WWP2: variants seen among roughly 807,000 people sequenced by gnomAD.
WWP2 encodes WW domain containing E3 ubiquitin protein ligase 2.
A neutral mutation model predicts 121.0 loss-of-function variants in WWP2; 57 were observed. The observed-to-expected ratio is 0.47, with a 90% confidence interval of 0.38 to 0.59. The LOEUF (loss-of-function observed/expected upper bound fraction) is 0.59. WWP2 is among the 20% of genes least tolerant of loss of function. The pLI is 0.00. For synonymous variants in WWP2, 449 were observed against 441.3 expected (o/e 1.02, Z -0.22); for missense variants, 962 against 1,158.9 (o/e 0.83, Z 2.47).
rs2058820483 is a variant in WWP2 at position 69,937,683 on chromosome 16, C to T, written c.2343+31C>T. ...TCCCGGGCCCAGGCCTTGGCAGGGACATTTGGGCCATCAACCAAAGGAAAC... is the reference window on the plus strand; with the variant it reads ...TCCCGGGCCCAGGCCTTGGCAGGGATATTTGGGCCATCAACCAAAGGAAAC... On this transcript the variant is annotated intron_variant, in intron 21 of 23. Transcript: ENST00000359154. This position sits in a 1 kb window ranked among gnomAD's most constrained non-coding sequence, Gnocchi z 6.6. 6.2e-7 allele frequency: 1 copy of T among 1,608,966 alleles called. No individual in the cohort carries two copies. Among genetic ancestry groups the T allele is most frequent in the African/African-American group, 1.3e-5 (1 of 74,762 alleles).
intron 6 of WWP2, among the ~76,000 whole-genome samples, chr16:69,847,010 T>C (rs1343130247): frequency 6.6e-6 from 1 of 152,098 alleles, no homozygotes; most frequent in East Asian, 1.9e-4. Flanking sequence ...CCTCTTGCTT[T>C]AGCCTCCCAA....
chr16:69,828,385 A>T (rs955994081), intron 4 of WWP2, among the ~76,000 whole-genome samples: 1 of 151,858 alleles, frequency 6.6e-6, no homozygotes, highest in Non-Finnish European at 1.5e-5. Flanking sequence ...ATTTTCTTTG[A>T]GACATAGTTT....
intron 6 of WWP2, among the ~76,000 whole-genome samples, chr16:69,849,963 A>C (rs1483123090): frequency 6.6e-6 from 1 of 152,266 alleles, no homozygotes; most frequent in East Asian, 1.9e-4. Context: ...AGATGTTTAT[A>C]ATGCCAGATG....
At position 69,803,800 on chromosome 16, in the gene WWP2, C is replaced by T. The variant is rs144540676; in HGVS notation, c.340+4505C>T. Among the ~76,000 whole-genome samples the T allele has an allele frequency of 7.3e-3, 1,118 of 152,232 alleles. 8 individuals carry two copies. Among genetic ancestry groups the T allele is most frequent in the Non-Finnish European group, 0.012 (828 of 68,016 alleles). On this transcript the variant is annotated intron_variant, in intron 4 of 23. Coordinates refer to ENST00000359154, the MANE Select transcript of WWP2 (RefSeq NM_001270454.2). Reference sequence around the variant, plus strand: ...GCGCACGCCTGTAATCCCAGCTACTCAGGAGTCTGAGGCCGGGGAGTCACT... The same window carrying T: ...GCGCACGCCTGTAATCCCAGCTACTTAGGAGTCTGAGGCCGGGGAGTCACT...
chr16:69,811,431 A>G (rs2056390821), intron 4 of WWP2, among the ~76,000 whole-genome samples: 1 of 151,946 alleles, frequency 6.6e-6, no homozygotes, highest in African/African-American at 2.4e-5. Flanking sequence ...ACATAGTGAG[A>G]CCCATGCCAC....
At chr16:69,798,095 G>A (rs1376703869) in intron 2 of WWP2, among the ~76,000 whole-genome samples, 8 of 152,124 alleles carry the variant, frequency 5.3e-5, no homozygotes, top group Admixed American at 2.6e-4. Context: ...TTAGCACTCT[G>A]TGATGTCTGG....
chr16:69,793,805 C>T (rs997131067), intron 2 of WWP2, among the ~76,000 whole-genome samples: 1 of 151,900 alleles, frequency 6.6e-6, no homozygotes, highest in African/African-American at 2.4e-5. Flanking sequence ...AGAAACTATA[C>T]CTACCTCTTA....
At chr16:69,887,151 GA>G (rs2057939715) in intron 7 of WWP2, among the ~76,000 whole-genome samples, 1 of 152,172 alleles carries the variant, frequency 6.6e-6, no homozygotes, top group Non-Finnish European at 1.5e-5. Flanking sequence ...GAGACTTGGG[GA>G]CTAGTGTGTT....
chr16:69,781,702 C>A (rs535079839), intron 1 of WWP2, among the ~76,000 whole-genome samples: 9 of 151,874 alleles, frequency 5.9e-5, no homozygotes, highest in African/African-American at 2.2e-4. Context: ...ATAATAGAAA[C>A]GGGATAATTT....
In WWP2 at chr16:69,935,964, T is replaced by A; in HGVS notation, c.1954T>A (p.Tyr652Asn). Residue 652 changes from tyrosine to asparagine, a missense_variant, in exon 18 of 24, where the codon TAC becomes AAC. Transcript: ENST00000359154. This position sits in a 1 kb window ranked among gnomAD's most constrained non-coding sequence, Gnocchi z 5.2. ...CCTGGAGTCCATTGACCCTGAGTTC[T>A]ACAACTCCATTGTCTGGATCAAGTG... ...KDLESIDPEF[Y>N]NSIVWIKENN... is the part of the protein sequence containing the mutation. The A allele has an allele frequency of 6.2e-7, 1 of 1,614,094 alleles. No homozygotes were observed. The highest frequency in any genetic ancestry group is 1.1e-5 in the South Asian group (1 of 91,080).
intron 1 of WWP2, among the ~76,000 whole-genome samples, chr16:69,765,153 T>C (rs1405448851): frequency 2.6e-5 from 4 of 152,018 alleles, no homozygotes; most frequent in Admixed American, 6.6e-5. Context: ...GTTGTGATCG[T>C]GCCACTCATT....
At chr16:69,795,660 T>TG (rs2056022035) in intron 2 of WWP2, among the ~76,000 whole-genome samples, 1 of 133,770 alleles carries the variant, frequency 7.5e-6, no homozygotes, top group Admixed American at 7.7e-5. Context: ...TTTTTTTTTT[T>TG]TTTTTTTTTT....
At chr16:69,929,666 A>G (rs983076707) in intron 12 of WWP2, 137 bp downstream of exon 12, 2 of 726,406 alleles carry the variant, frequency 2.8e-6, no homozygotes, top group Non-Finnish European at 4.7e-6. Context: ...GTGTCTTGAG[A>G]CTCTCACCGT....
chr16:69,914,071 CAAAAAAAAAA>C (rs34269202), intron 9 of WWP2, among the ~76,000 whole-genome samples: 31 of 32,216 alleles, frequency 9.6e-4, no homozygotes, highest in South Asian at 1.6e-3. Context: ...GACTCTGTCT[CAAAAAAAAAA>C]AAAAAAAAAA....
chr16:69,887,698 G>A (rs993593095), intron 7 of WWP2, among the ~76,000 whole-genome samples: 7 of 152,012 alleles, frequency 4.6e-5, no homozygotes, highest in South Asian at 2.1e-4. Context: ...GAGCCACTGC[G>A]CCTGGCCCCA....
In WWP2 at chr16:69,940,817, C is replaced by T. The variant is rs1597198857; in HGVS notation, c.*877C>T. On this transcript the variant is annotated 3_prime_UTR_variant, in exon 24 of 24. Transcript: ENST00000359154. The stretch of plus-strand genomic sequence containing the variant: ...AGCTCAGGCAGGCCTGACCCGGCGG[C>T]ACAGCCTGGCAGGGACCTCGTCCCC... The T allele has an allele frequency of 6.5e-6, 1 of 153,492 alleles. No homozygotes were observed. Among genetic ancestry groups the T allele is most frequent in the East Asian group, 1.9e-4 (1 of 5,180 alleles). 9.5% of individuals were successfully genotyped at this position (153,492 alleles called of 1,614,324 possible). A position where few individuals can be genotyped will look rare whatever the true frequency, so the allele number is the denominator to read the frequency against.
chr16:69,890,829 G>A lies in WWP2; in HGVS notation c.914+2580G>A, dbSNP rs547931249. On this transcript the variant is annotated intron_variant, in intron 8 of 23. Transcript: ENST00000359154. ...AGTCTGGCAGATCGAGCAGCCCAGG[G>A]AAGCCGATTCCCCTCCCTCATCCTG... The A allele has an allele frequency of 3.9e-5, 6 of 152,306 alleles. No homozygotes were observed. The East Asian group carries it at 1.2e-3, about 29-fold the overall frequency. 9.4% of individuals were successfully genotyped at this position (152,306 alleles called of 1,614,324 possible).
intron 1 of WWP2, among the ~76,000 whole-genome samples, chr16:69,775,970 C>G (rs905046896): frequency 3.3e-5 from 5 of 152,086 alleles, no homozygotes; most frequent in Non-Finnish European, 7.4e-5. Context: ...TTTCTGTCTC[C>G]CCTGTTATCT....
intron 4 of WWP2, among the ~76,000 whole-genome samples, chr16:69,804,469 T>C (rs2056235010): frequency 6.6e-6 from 1 of 152,206 alleles, no homozygotes; most frequent in Non-Finnish European, 1.5e-5. Flanking sequence ...CCCCAATGAC[T>C]TGAGTTGCTT....
Sources: gnomAD v4.1 joint callset for allele counts (sites outside exome capture counted in the v4.1 genomes callset) on GRCh38, gnomAD v4.1.1 for gene constraint, Gnocchi (gnomAD v3.1) non-coding constraint, MANE v1.5 for transcripts, NCBI Gene and HGNC (gene_info 2026-07-23, HGNC 2026-07-21) for gene names.